DNAL1: variants seen among roughly 807,000 people sequenced by gnomAD.
DNAL1 encodes chromosome 14 open reading frame 168.
In DNAL1, 17 loss-of-function variants were observed where a neutral mutation model predicts 29.4. The ratio of observed to expected loss-of-function variants is 0.58; its 90% CI spans 0.40 to 0.87. DNAL1 has a LOEUF of 0.87. DNAL1 is among the 40% of genes least tolerant of loss of function. The pLI, the probability that DNAL1 is intolerant of heterozygous loss-of-function variation, is 0.00. For missense variants in DNAL1, 188 were observed against 214.1 expected (o/e 0.88, Z 0.76); for synonymous variants, 78 against 76.3 (o/e 1.02, Z -0.12).
At chr14:73,682,802 C>T (rs1365894847) in intron 5 of DNAL1, among the ~76,000 whole-genome samples, 3 of 150,512 alleles carry the variant, frequency 2.0e-5, no homozygotes, top group Non-Finnish European at 4.4e-5. Flanking sequence ...GCCACCATTT[C>T]GTATGACAAC....
intron 5 of DNAL1, among the ~76,000 whole-genome samples, chr14:73,675,468 T>TA (rs1187064723): frequency 3.0e-3 from 457 of 150,594 alleles, no homozygotes; most frequent in African/African-American, 0.011. Flanking sequence ...CCCAGCTAAT[T>TA]AAAAAAAAAA....
chr14:73,676,262 C>T (rs1891730890), intron 5 of DNAL1, among the ~76,000 whole-genome samples: 1 of 151,296 alleles, frequency 6.6e-6, no homozygotes, highest in Non-Finnish European at 1.5e-5. Flanking sequence ...TTTTTTAATT[C>T]TATAAGTACC....
Position 73,658,954 on chromosome 14 carries a change from C to A in DNAL1, c.150C>A (p.Cys50Ter). ...MDASLSMLAN[C>*]EKLSLSTNCI... ...CATCCTTGTCCATGCTTGCTAATTG[C>A]GAGTAAGTTCTCTTTTCATCCTTCC... Residue 50 changes from cysteine (C) to a stop codon, truncating the protein, a stop_gained and splice_region_variant, in exon 3 of 8, where the codon TGC becomes TGA. Coordinates refer to ENST00000553645, the MANE Select transcript of DNAL1 (RefSeq NM_031427.4). LOFTEE classifies it high-confidence loss of function. 1.4e-6 allele frequency: 2 copies of A among 1,479,062 alleles called. No individual in the cohort carries two copies. Among genetic ancestry groups the A allele is most frequent in the Non-Finnish European group, 1.8e-6 (2 of 1,108,106 alleles). The allele number at this position is 1,479,062 out of a possible 1,614,324, so 91.6% of individuals were successfully genotyped here.
chr14:73,646,262 T>C (rs762744726), intron 1 of DNAL1, among the ~76,000 whole-genome samples: 1 of 152,226 alleles, frequency 6.6e-6, no homozygotes, highest in South Asian at 2.1e-4. Context: ...AGTACAGTTA[T>C]AAGTCACTTA....
chr14:73,646,345 A>T (rs1890976396), intron 1 of DNAL1, among the ~76,000 whole-genome samples: 2 of 152,198 alleles, frequency 1.3e-5, no homozygotes, highest in Non-Finnish European at 2.9e-5. Flanking sequence ...GAATATGCTT[A>T]CAAAAACCAG....
intron 3 of DNAL1, among the ~76,000 whole-genome samples, chr14:73,659,244 C>T (rs760768590): frequency 2.0e-5 from 3 of 151,536 alleles, no homozygotes; most frequent in Non-Finnish European, 2.9e-5. Flanking sequence ...TCACTGCAAC[C>T]TACGCCTCCC....
intron 4 of DNAL1, among the ~76,000 whole-genome samples, chr14:73,663,687 T>C (rs1201963818): frequency 1.3e-5 from 2 of 152,194 alleles, no homozygotes; most frequent in African/African-American, 4.8e-5. Context: ...TAAGGTGTTA[T>C]CCTAGTTCAT....
intron 6 of DNAL1, among the ~76,000 whole-genome samples, chr14:73,689,147 C>T (rs1271922550): frequency 6.7e-6 from 1 of 150,338 alleles, no homozygotes; most frequent in African/African-American, 2.4e-5. Flanking sequence ...AGTTCTCCTG[C>T]CTCAGCCTCC....
chr14:73,648,857 A>G (rs1213148927), intron 1 of DNAL1, among the ~76,000 whole-genome samples: 1 of 151,108 alleles, frequency 6.6e-6, no homozygotes, highest in Non-Finnish European at 1.5e-5. Context: ...CATTGGTTTC[A>G]TGTTGAAAAT....
Position 73,702,629 on chromosome 14 carries a change from A to G in DNAL1, c.*6687A>G, listed in dbSNP as rs1157592351. 2 of 152,166 alleles carry G rather than the reference A, an allele frequency of 1.3e-5. No homozygotes were observed. The highest frequency in any genetic ancestry group is 4.8e-5 in the African/African-American group (2 of 41,430). 9.4% of individuals were successfully genotyped at this position (152,166 alleles called of 1,614,324 possible). A position where few individuals can be genotyped will look rare whatever the true frequency, so the allele number is the denominator to read the frequency against. On this transcript the variant is annotated 3_prime_UTR_variant, in exon 8 of 8. Transcript: ENST00000553645. ...TCACCTGATTACCAGAAGGTACGCA[A>G]GGTAAAAGTTAGCTGATAGGCCCTG...
At chr14:73,694,253 A>C (rs1892243803) in intron 7 of DNAL1, among the ~76,000 whole-genome samples, 1 of 136,434 alleles carries the variant, frequency 7.3e-6, no homozygotes, top group Non-Finnish European at 1.6e-5. Context: ...TAAATAAATA[A>C]ATAAATAAAT....
At chr14:73,680,943 A>G (rs1891860950) in intron 5 of DNAL1, among the ~76,000 whole-genome samples, 1 of 152,240 alleles carries the variant, frequency 6.6e-6, no homozygotes, top group African/African-American at 2.4e-5. Flanking sequence ...CAGTAAAAAT[A>G]CAGTGTAAAA....
At chr14:73,673,411 CAAAT>C (rs1292894394) in intron 5 of DNAL1, among the ~76,000 whole-genome samples, 3 of 152,040 alleles carry the variant, frequency 2.0e-5, no homozygotes, top group Non-Finnish European at 4.4e-5. Context: ...CCAGAGACCA[CAAAT>C]AAATTATAAA....
In DNAL1 at chr14:73,661,162, T is replaced by A. The variant is rs752090783; in HGVS notation, c.153-825T>A. Among the ~76,000 whole-genome samples, 86 of 150,542 alleles carry A rather than the reference T, an allele frequency of 5.7e-4. 1 individual carries two copies. Among genetic ancestry groups the A allele is most frequent in the Middle Eastern group, 3.4e-3 (1 of 294 alleles). On this transcript the variant is annotated intron_variant, in intron 3 of 7. Transcript: ENST00000553645. ...CTGGGCCACAGAGCGAGACTCTGTCTAAAAAAAAAATATATATATTGTTCT... is the reference window on the plus strand; with the variant it reads ...CTGGGCCACAGAGCGAGACTCTGTCAAAAAAAAAAATATATATATTGTTCT...
At chr14:73,673,784 T>G (rs1438464580) in intron 5 of DNAL1, among the ~76,000 whole-genome samples, 1 of 151,534 alleles carries the variant, frequency 6.6e-6, no homozygotes. Flanking sequence ...TCCCAGCTAC[T>G]CGGGGAGGCT....
At chr14:73,668,957 G>A (rs145482071) in intron 4 of DNAL1, among the ~76,000 whole-genome samples, 7 of 151,922 alleles carry the variant, frequency 4.6e-5, no homozygotes, top group Non-Finnish European at 7.4e-5. Flanking sequence ...GATTACAGGC[G>A]TGAGCCTCTA....
chr14:73,698,050 A>C lies in DNAL1; in HGVS notation c.*2108A>C, dbSNP rs1156698554. The C allele has an allele frequency of 6.6e-6, 1 of 152,212 alleles. No individual in the cohort carries two copies. Among genetic ancestry groups the C allele is most frequent in the South Asian group, 2.1e-4 (1 of 4,834 alleles). The allele number at this position is 152,212 out of a possible 1,614,324, so 9.4% of individuals were successfully genotyped here. The stretch of plus-strand genomic sequence containing the variant: ...TAAAAGTAACCCTGGAAGTGAATAT[A>C]ATAGGAAGTAAGTGATTTCATATTG... On this transcript the variant is annotated 3_prime_UTR_variant, in exon 8 of 8. Coordinates refer to ENST00000553645, the MANE Select transcript of DNAL1 (RefSeq NM_031427.4).
Position 73,700,423 on chromosome 14 carries a change from C to T in DNAL1, c.*4481C>T, listed in dbSNP as rs1364219842. 6.6e-6 allele frequency: 1 copy of T among 152,122 alleles called. No individual in the cohort carries two copies. Among genetic ancestry groups the T allele is most frequent in the Non-Finnish European group, 1.5e-5 (1 of 68,018 alleles). The allele number at this position is 152,122 out of a possible 1,614,324, so 9.4% of individuals were successfully genotyped here. ...GAACTTGAATAAACACTTCTTTTGA[C>T]ACCTTTTACCAGTGGTCTGAAGCAG... is the stretch of plus-strand genomic sequence containing the variant. On this transcript the variant is annotated 3_prime_UTR_variant, in exon 8 of 8. Transcript: ENST00000553645.
intron 1 of DNAL1, among the ~76,000 whole-genome samples, chr14:73,648,037 G>A (rs1455910398): frequency 6.6e-6 from 1 of 152,118 alleles, no homozygotes; most frequent in African/African-American, 2.4e-5. Flanking sequence ...GAGTGCAGTG[G>A]CACAATCTCG....
Sources: allele counts gnomAD v4.1 joint callset (sites outside exome capture counted in the v4.1 genomes callset), GRCh38; gene constraint gnomAD v4.1.1; transcripts MANE v1.5; gene names NCBI Gene and HGNC (gene_info 2026-07-23, HGNC 2026-07-21).